Variants in TRAK1 observed in about 807,000 individuals in gnomAD.
The protein encoded by TRAK1 is trafficking kinesin protein 1, also known as trafficking kinesin-binding protein 1.
TRAK1 carries 33 observed loss-of-function variants against 92.1 expected under a neutral mutation model. The ratio of observed to expected loss-of-function variants is 0.36; its 90% CI spans 0.27 to 0.48. TRAK1 has a LOEUF of 0.48. TRAK1 is among the 20% of genes least tolerant of loss of function. The pLI is 0.99. For synonymous variants in TRAK1, 521 were observed against 517.3 expected (o/e 1.01, Z -0.10); for missense variants, 1,123 against 1,257.9 (o/e 0.89, Z 1.62).
Position 42,125,567 on chromosome 3 carries a change from A to G in TRAK1, c.239A>G (p.Asn80Ser). 1.2e-6 allele frequency: 2 copies of G among 1,614,224 alleles called. No homozygotes were observed. Among genetic ancestry groups the G allele is most frequent in the Non-Finnish European group, 1.7e-6 (2 of 1,180,034 alleles). ...ACACCTCTCATTTCTCCAGATGCCA[A>G]CATTGACCTCACAACCGAGCAAATT... The part of the protein sequence containing the change: ...LHTPLISPDA[N>S]IDLTTEQIEE... The change falls in exon 2 of 16, where the codon AAC becomes AGC. Residue 80 changes from asparagine (N) to serine (S), a missense_variant. Asn to Ser is a conservative substitution (Grantham distance 46, BLOSUM62 1). This residue lies in a region of TRAK1 where 686 missense variants were observed against 747.6 expected (regional missense o/e 0.92). Coordinates refer to ENST00000327628, the MANE Select transcript of TRAK1 (RefSeq NM_001042646.3).
At chr3:42,199,293 C>T in intron 11 of TRAK1, 40 bp downstream of exon 11, 1 of 1,603,302 alleles carries the variant, frequency 6.2e-7, no homozygotes, top group Non-Finnish European at 8.5e-7. Context: ...TTCCCAGAGA[C>T]CAACTTGGAC....
chr3:42,185,635 A>T (rs1254251876), intron 4 of TRAK1, among the ~76,000 whole-genome samples: 1 of 149,416 alleles, frequency 6.7e-6, no homozygotes, highest in African/African-American at 2.5e-5. Flanking sequence ...CTGTGACAAC[A>T]CTTCTCCTTG....
intron 2 of TRAK1, among the ~76,000 whole-genome samples, chr3:42,144,462 A>G (rs934691405): frequency 1.3e-5 from 2 of 152,218 alleles, no homozygotes; most frequent in African/African-American, 2.4e-5. Flanking sequence ...GGTCACAGAC[A>G]TGGAAAACAA....
At chr3:42,117,305 T>A (rs1709286617) in intron 1 of TRAK1, among the ~76,000 whole-genome samples, 1 of 151,936 alleles carries the variant, frequency 6.6e-6, no homozygotes, top group Non-Finnish European at 1.5e-5. Flanking sequence ...AGGCTGGGCG[T>A]CCTTTCTCCA....
chr3:42,160,335 T>C, intron 2 of TRAK1: 2 of 1,613,492 alleles, frequency 1.2e-6, no homozygotes, highest in Non-Finnish European at 1.7e-6. Context: ...CTTAGGGTGA[T>C]GTTTTGGCTT....
chr3:42,203,461 C>G, intron 13 of TRAK1: 1 of 981,886 alleles, frequency 1.0e-6, no homozygotes. Context: ...GAAAAACTTC[C>G]TCCTTCCCTC....
At chr3:42,027,622 T>C (rs1175771246) in intron 1 of TRAK1, among the ~76,000 whole-genome samples, 1 of 152,146 alleles carries the variant, frequency 6.6e-6, no homozygotes, top group Non-Finnish European at 1.5e-5. Context: ...TTAAACATTA[T>C]TTAGTTGTAG....
At chr3:42,117,987 T>G (rs1709381246) in intron 1 of TRAK1, among the ~76,000 whole-genome samples, 1 of 151,846 alleles carries the variant, frequency 6.6e-6, no homozygotes, top group Non-Finnish European at 1.5e-5. Flanking sequence ...GCCCAGATAA[T>G]TTTTGTATTT....
chr3:42,127,201 CAA>C (rs1710679013), intron 2 of TRAK1, among the ~76,000 whole-genome samples: 2 of 152,158 alleles, frequency 1.3e-5, no homozygotes, highest in African/African-American at 4.8e-5. Flanking sequence ...AAAAAATTCA[CAA>C]GAGAATAGTA....
Position 42,199,171 on chromosome 3 carries a change from T to C in TRAK1, c.1114-6T>C. On this transcript the variant is annotated splice_polypyrimidine_tract_variant and splice_region_variant and intron_variant, in intron 10 of 15. Transcript: ENST00000327628. The stretch of plus-strand genomic sequence containing the variant: ...ACTTGACATTTGTCTTTCTGGCTTT[T>C]CCCAGGATTCCTTGGCAGCAGAGAT... The C allele has an allele frequency of 3.1e-6, 5 of 1,613,316 alleles. No individual in the cohort carries two copies. The highest frequency in any genetic ancestry group is 3.4e-6 in the Non-Finnish European group (4 of 1,180,014).
intron 8 of TRAK1, 104 bp downstream of exon 8, chr3:42,193,309 A>T: frequency 6.7e-7 from 1 of 1,483,988 alleles, no homozygotes; most frequent in Non-Finnish European, 9.0e-7. Context: ...ATATCTTAGC[A>T]GTTCGTGTTG....
chr3:42,052,902 A>T (rs1332118464), intron 1 of TRAK1, among the ~76,000 whole-genome samples: 1 of 152,150 alleles, frequency 6.6e-6, no homozygotes, highest in Non-Finnish European at 1.5e-5. Flanking sequence ...CTGAATGCGT[A>T]GTCCCCGAAG....
At chr3:42,148,928 A>C (rs1699633933) in intron 2 of TRAK1, among the ~76,000 whole-genome samples, 1 of 152,100 alleles carries the variant, frequency 6.6e-6, no homozygotes, top group African/African-American at 2.4e-5. Flanking sequence ...CGTGACCCAA[A>C]GTAGGGTGAA....
intron 8 of TRAK1, 22 bp downstream of exon 8, chr3:42,193,227 G>A (rs751307720): frequency 1.2e-6 from 2 of 1,612,862 alleles, no homozygotes; most frequent in African/African-American, 2.7e-5. Flanking sequence ...CTGTTTATCT[G>A]GCTGATACAA....
chr3:42,088,024 G>A (rs770522054), upstream of TRAK1, among the ~76,000 whole-genome samples: 18 of 152,184 alleles, frequency 1.2e-4, no homozygotes, highest in Admixed American at 2.0e-4. Flanking sequence ...ACAAGAGAGG[G>A]CTCTCAATGG....
At chr3:42,158,787 CAAAAAAAA>C (rs149521969) in intron 2 of TRAK1, among the ~76,000 whole-genome samples, 16 of 69,536 alleles carry the variant, frequency 2.3e-4, no homozygotes, top group African/African-American at 4.1e-4. Flanking sequence ...ACAAAAAATA[CAAAAAAAA>C]AAAAAAAAAA....
At chr3:42,203,494 CTTTT>C (rs34602604) in intron 13 of TRAK1, 239,601 of 913,314 alleles carry the variant, frequency 0.26, 3,729 homozygotes, top group East Asian at 0.44. Flanking sequence ...CCTCCTGCCT[CTTTT>C]TTTTTTTTTT....
At chr3:42,036,010 C>G (rs1702312849) in intron 1 of TRAK1, among the ~76,000 whole-genome samples, 1 of 152,220 alleles carries the variant, frequency 6.6e-6, no homozygotes, top group South Asian at 2.1e-4. Context: ...GGGAAGCCTT[C>G]CCTGACCCCA....
Position 42,225,488 on chromosome 3 carries a change from C to G in TRAK1, c.*1751C>G, listed in dbSNP as rs569512970. On this transcript the variant is annotated 3_prime_UTR_variant, in exon 16 of 16. Coordinates refer to ENST00000327628, the MANE Select transcript of TRAK1 (RefSeq NM_001042646.3). ...TGCATTCACTGCAAGTAACTTATATCTTTTTATTTGAATGTATTTTAAAGC... is the reference window on the plus strand; with the variant it reads ...TGCATTCACTGCAAGTAACTTATATGTTTTTATTTGAATGTATTTTAAAGC... 6.6e-6 allele frequency: 1 copy of G among 152,252 alleles called. No homozygotes were observed. Among genetic ancestry groups the G allele is most frequent in the Admixed American group, 6.5e-5 (1 of 15,290 alleles). 9.4% of individuals were successfully genotyped at this position (152,252 alleles called of 1,614,324 possible). A position where few individuals can be genotyped will look rare whatever the true frequency, so the allele number is the denominator to read the frequency against.
Sources: gnomAD v4.1 joint callset for allele counts (sites outside exome capture counted in the v4.1 genomes callset) on GRCh38, gnomAD v4.1.1 for gene constraint, gnomAD v4.1.1 regional missense constraint, MANE v1.5 for transcripts, NCBI Gene and HGNC (gene_info 2026-07-23, HGNC 2026-07-21) for gene names.